Variants in INPP4B observed in about 807,000 individuals in gnomAD.
The protein encoded by INPP4B is inositol polyphosphate 4-phosphatase type II.
Under a neutral mutation model 122.5 loss-of-function variants are expected in INPP4B, and 55 were observed. That is an observed-to-expected ratio of 0.45 (90% CI 0.36 to 0.56). The LOEUF (loss-of-function observed/expected upper bound fraction) is 0.56. INPP4B is among the 20% of genes least tolerant of loss of function. The pLI, the probability that INPP4B is intolerant of heterozygous loss-of-function variation, is 0.00. For missense variants in INPP4B, 1,000 were observed against 1,097.7 expected (o/e 0.91, Z 1.26); for synonymous variants, 403 against 388.7 (o/e 1.04, Z -0.43).
intron 2 of INPP4B, among the ~76,000 whole-genome samples, chr4:142,592,246 T>A (rs1393157038): frequency 1.3e-5 from 2 of 152,216 alleles, no homozygotes; most frequent in Admixed American, 6.5e-5. Context: ...TGTAGGTGTG[T>A]AAACCAACCA....
At chr4:142,445,385 C>A (rs781185883) in intron 3 of INPP4B, among the ~76,000 whole-genome samples, 56 of 152,006 alleles carry the variant, frequency 3.7e-4, no homozygotes, top group Non-Finnish European at 7.6e-4. Flanking sequence ...TGAAAAACAA[C>A]AAATACAAGA....
chr4:142,047,535 C>T (rs1752219954), intron 25 of INPP4B, among the ~76,000 whole-genome samples: 1 of 151,916 alleles, frequency 6.6e-6, no homozygotes, highest in African/African-American at 2.4e-5. Flanking sequence ...AAGCAGAGGC[C>T]TCCAGAGAAG....
intron 2 of INPP4B, among the ~76,000 whole-genome samples, chr4:142,634,775 T>A (rs1360629563): frequency 1.3e-5 from 2 of 152,070 alleles, no homozygotes; most frequent in Non-Finnish European, 2.9e-5. Flanking sequence ...ACAACCACTA[T>A]TACCATTTCT....
intron 25 of INPP4B, 144 bp downstream of exon 25, chr4:142,081,887 C>T (rs1212741082): frequency 2.1e-6 from 1 of 474,592 alleles, no homozygotes; most frequent in East Asian, 3.1e-5. Flanking sequence ...TTATCTATCT[C>T]TGATGTCATA....
intron 1 of INPP4B, among the ~76,000 whole-genome samples, chr4:142,755,076 A>AG (rs1770321200): frequency 6.6e-6 from 1 of 152,046 alleles, no homozygotes; most frequent in South Asian, 2.1e-4. Flanking sequence ...GGGAACTCTC[A>AG]TTCTGATGAC....
Position 142,397,734 on chromosome 4 carries a change from G to A in INPP4B, c.372+5204C>T, listed in dbSNP as rs927886793. On this transcript the variant is annotated intron_variant, in intron 7 of 25. Coordinates refer to ENST00000262992, the MANE Select transcript of INPP4B (RefSeq NM_001101669.3). ...GGCGCCTGTAGTCCCAGTTACTCGG[G>A]AGGCTGAGGCAGGGGAATCACTTGA... Among the ~76,000 whole-genome samples the A allele has an allele frequency of 1.1e-3, 168 of 152,146 alleles. 1 individual carries two copies. Among genetic ancestry groups the A allele is most frequent in the African/African-American group, 3.9e-3 (160 of 41,500 alleles).
chr4:142,645,068 G>A (rs1751444616), intron 2 of INPP4B, among the ~76,000 whole-genome samples: 1 of 152,032 alleles, frequency 6.6e-6, no homozygotes. Flanking sequence ...TATGCTACTA[G>A]TCATCAACAA....
intron 7 of INPP4B, among the ~76,000 whole-genome samples, chr4:142,358,419 C>T (rs1335867638): frequency 1.3e-5 from 2 of 151,780 alleles, no homozygotes; most frequent in African/African-American, 4.8e-5. Flanking sequence ...CACCCAGCAC[C>T]CCAAGGGCTG....
intron 2 of INPP4B, among the ~76,000 whole-genome samples, chr4:142,578,669 T>A (rs79529098): frequency 1.3e-5 from 2 of 152,046 alleles, no homozygotes; most frequent in African/African-American, 2.4e-5. Flanking sequence ...CTTAATCACC[T>A]CTTTCAACCC....
intron 2 of INPP4B, among the ~76,000 whole-genome samples, chr4:142,513,656 C>T (rs1001490663): frequency 4.0e-4 from 61 of 152,190 alleles, no homozygotes; most frequent in Admixed American, 1.6e-3. Flanking sequence ...GATCCACTTG[C>T]CTCGGCCTCC....
At chr4:142,356,083 G>A in intron 7 of INPP4B, among the ~76,000 whole-genome samples, 1 of 150,916 alleles carries the variant, frequency 6.6e-6, no homozygotes, top group African/African-American at 2.4e-5. Context: ...TGACACAATT[G>A]GTTTACAATG....
At chr4:142,245,728 T>C (rs997885938) in intron 11 of INPP4B, among the ~76,000 whole-genome samples, 1 of 151,598 alleles carries the variant, frequency 6.6e-6, no homozygotes, top group African/African-American at 2.4e-5. Context: ...ATGTGTGGCG[T>C]TATTTCTGAG....
chr4:142,823,723 A>G (rs1265908488), intron 1 of INPP4B, among the ~76,000 whole-genome samples: 1 of 152,198 alleles, frequency 6.6e-6, no homozygotes, highest in African/African-American at 2.4e-5. Context: ...AGTTGGAATG[A>G]TAGCGTTTTG....
intron 25 of INPP4B, among the ~76,000 whole-genome samples, chr4:142,040,245 G>C (rs985209228): frequency 6.6e-6 from 1 of 152,124 alleles, no homozygotes; most frequent in Non-Finnish European, 1.5e-5. Flanking sequence ...CCTGGTGAGG[G>C]AGCCCAATAG....
intron 5 of INPP4B, among the ~76,000 whole-genome samples, chr4:142,428,115 A>C (rs1022800507): frequency 6.6e-6 from 1 of 151,744 alleles, no homozygotes; most frequent in African/African-American, 2.4e-5. Flanking sequence ...TTACATACCA[A>C]TTATGGTCTC....
At chr4:142,115,663 G>A (rs201918725) in intron 21 of INPP4B, among the ~76,000 whole-genome samples, 15 of 152,096 alleles carry the variant, frequency 9.9e-5, no homozygotes, top group African/African-American at 2.7e-4. Context: ...TCAAGGAAGC[G>A]CTAAACGTGG....
intron 2 of INPP4B, among the ~76,000 whole-genome samples, chr4:142,616,488 A>G (rs972220037): frequency 6.6e-6 from 1 of 152,122 alleles, no homozygotes; most frequent in African/African-American, 2.4e-5. Context: ...AGACCTCTCA[A>G]TTTTTAAGGT....
At chr4:142,695,771 T>C (rs1199995183) in intron 2 of INPP4B, among the ~76,000 whole-genome samples, 1 of 152,214 alleles carries the variant, frequency 6.6e-6, no homozygotes. Flanking sequence ...ACTAAGTTAC[T>C]ACAATCAAAT....
rs1041419545 is a variant in INPP4B, at chr4:142,799,166, G to A, written c.-254+47043C>T. Among the ~76,000 whole-genome samples, 6 of 151,824 alleles carry A rather than the reference G, an allele frequency of 4.0e-5. No individual in the cohort carries two copies. The East Asian group carries it at 5.8e-4, about 15-fold the overall frequency. ...ATTCAATCTCCGTTAAAAGCTTTAA[G>A]ACTAACATTATTTATAAATGCTACT... On this transcript the variant is annotated intron_variant, in intron 1 of 25. Transcript: ENST00000262992.
Sources: allele counts gnomAD v4.1 joint callset (sites outside exome capture counted in the v4.1 genomes callset), GRCh38; gene constraint gnomAD v4.1.1; transcripts MANE v1.5; gene names NCBI Gene and HGNC (gene_info 2026-07-23, HGNC 2026-07-21).